The following PEX5L variants were observed in gnomAD, a reference collection of about 807,000 sequenced individuals.
The protein encoded by PEX5L is peroxisomal biogenesis factor 5 like.
A neutral mutation model predicts 84.0 loss-of-function variants in PEX5L; 30 were observed. That is an observed-to-expected ratio of 0.36 (90% CI 0.27 to 0.48). PEX5L has a LOEUF of 0.48. Among genes scored for constraint, PEX5L ranks in the 20% least tolerant of loss-of-function variants. The pLI is 0.99. For synonymous variants in PEX5L, 270 were observed against 283.1 expected (o/e 0.95, Z 0.46); for missense variants, 533 against 754.6 (o/e 0.71, Z 3.44).
intron 3 of PEX5L, among the ~76,000 whole-genome samples, chr3:179,897,245 G>A (rs1343356236): frequency 2.0e-5 from 3 of 151,780 alleles, no homozygotes; most frequent in Non-Finnish European, 2.9e-5. Context: ...TCATATAATC[G>A]GAACTGAATC....
chr3:179,832,966 C>T (rs1270539498), intron 8 of PEX5L, among the ~76,000 whole-genome samples: 1 of 152,210 alleles, frequency 6.6e-6, no homozygotes, highest in Non-Finnish European at 1.5e-5. Context: ...ATAATGCCTT[C>T]TTTGAATCAT....
chr3:179,830,012 A>C (rs1732163464), intron 8 of PEX5L, among the ~76,000 whole-genome samples: 1 of 127,766 alleles, frequency 7.8e-6, no homozygotes, highest in South Asian at 2.5e-4. Context: ...GGCCAGGCTG[A>C]TTTCGAACTC....
At chr3:179,924,328 C>T (rs1291789288) in intron 2 of PEX5L, among the ~76,000 whole-genome samples, 2 of 152,154 alleles carry the variant, frequency 1.3e-5, no homozygotes, top group African/African-American at 4.8e-5. Flanking sequence ...CTAGATGCCA[C>T]CTTCTTGGGA....
intron 1 of PEX5L, among the ~76,000 whole-genome samples, chr3:180,017,268 C>T (rs375021758): frequency 6.6e-6 from 1 of 152,130 alleles, no homozygotes; most frequent in Non-Finnish European, 1.5e-5. Context: ...ATGATTTTCT[C>T]TCTGCTGTTT....
At chr3:179,924,379 C>T (rs2109477048) in intron 2 of PEX5L, among the ~76,000 whole-genome samples, 1 of 152,304 alleles carries the variant, frequency 6.6e-6, no homozygotes, top group East Asian at 1.9e-4. Context: ...TCCCTCTCTC[C>T]TATCATCAAT....
In PEX5L at chr3:179,887,745, G is replaced by C; in HGVS notation, c.238C>G (p.Pro80Ala). 1 of 1,613,932 alleles carries C rather than the reference G, an allele frequency of 6.2e-7. No individual in the cohort carries two copies. The highest frequency in any genetic ancestry group is 8.5e-7 in the Non-Finnish European group (1 of 1,179,824). Residue 80 changes from proline (P) to alanine (A), a missense_variant, in exon 4 of 15, where the codon CCC (proline) becomes GCC (alanine). Coordinates refer to ENST00000467460, the MANE Select transcript of PEX5L (RefSeq NM_016559.3). ...EQQESRPLLS[P>A]SIDDFLCETK... ...TCACAGAGAAAGTCATCGATGGAGGGACTCAGGAGGGGTCTGCTTTCTTGT... is the reference window on the plus strand; with the variant it reads ...TCACAGAGAAAGTCATCGATGGAGGCACTCAGGAGGGGTCTGCTTTCTTGT...
At chr3:179,967,099 G>A (rs961445959) in intron 2 of PEX5L, among the ~76,000 whole-genome samples, 6 of 152,142 alleles carry the variant, frequency 3.9e-5, no homozygotes, top group African/African-American at 1.4e-4. Context: ...AATAAATGTT[G>A]ACCAATTACG....
At chr3:180,018,212 A>G (rs1348865841) in intron 1 of PEX5L, among the ~76,000 whole-genome samples, 1 of 152,212 alleles carries the variant, frequency 6.6e-6, no homozygotes, top group Non-Finnish European at 1.5e-5. Context: ...AAAGTAAAAC[A>G]TACGTTGTTT....
intron 2 of PEX5L, among the ~76,000 whole-genome samples, chr3:179,907,083 T>TG (rs1350514319): frequency 1.3e-5 from 2 of 152,118 alleles, no homozygotes; most frequent in African/African-American, 4.8e-5. Flanking sequence ...TGCAGGTAAA[T>TG]ATGGGGTCAA....
chr3:179,803,278 A>T (rs78253729), intron 14 of PEX5L, among the ~76,000 whole-genome samples: 1,630 of 152,342 alleles, frequency 0.011, 36 homozygotes, highest in African/African-American at 0.038. Context: ...TTTGTAAAAA[A>T]TATTATTTAT....
chr3:179,838,345 G>T (rs1735775901), intron 8 of PEX5L, among the ~76,000 whole-genome samples: 2 of 152,082 alleles, frequency 1.3e-5, no homozygotes, highest in Admixed American at 1.3e-4. Flanking sequence ...TGGTTGTACT[G>T]GGCTGCCTCT....
intron 2 of PEX5L, among the ~76,000 whole-genome samples, chr3:179,928,383 G>A (rs1163030372): frequency 1.3e-5 from 2 of 152,158 alleles, no homozygotes; most frequent in Non-Finnish European, 2.9e-5. Flanking sequence ...TTTTGGAGGA[G>A]GTCCCAGGAG....
intron 14 of PEX5L, among the ~76,000 whole-genome samples, chr3:179,803,656 G>C (rs1422602672): frequency 2.6e-5 from 4 of 152,188 alleles, no homozygotes. Context: ...CCACTTTACT[G>C]TTCTCAAAAA....
intron 3 of PEX5L, among the ~76,000 whole-genome samples, chr3:179,894,631 C>G (rs1758632461): frequency 6.6e-6 from 1 of 152,112 alleles, no homozygotes; most frequent in Admixed American, 6.6e-5. Flanking sequence ...GAAACCCAAA[C>G]AAGGCTGTAC....
At chr3:179,982,302 T>C (rs1786407860) in intron 1 of PEX5L, among the ~76,000 whole-genome samples, 1 of 152,186 alleles carries the variant, frequency 6.6e-6, no homozygotes, top group African/African-American at 2.4e-5. Flanking sequence ...ACATGCAAAA[T>C]ATTGAAGTAT....
At chr3:179,973,180 C>T in intron 1 of PEX5L, 4 of 1,288,734 alleles carry the variant, frequency 3.1e-6, no homozygotes, top group Non-Finnish European at 4.0e-6. Flanking sequence ...TTTGCATGAC[C>T]CGGTTTCTGG....
chr3:179,860,281 A>T (rs185762427), intron 7 of PEX5L, among the ~76,000 whole-genome samples: 74 of 152,334 alleles, frequency 4.9e-4, no homozygotes, highest in Non-Finnish European at 6.3e-4. Flanking sequence ...ATGCACTGAG[A>T]CACAGTGAGG....
chr3:180,017,947 T>C (rs907649423), intron 1 of PEX5L, among the ~76,000 whole-genome samples: 4 of 152,218 alleles, frequency 2.6e-5, no homozygotes, highest in African/African-American at 9.6e-5. Flanking sequence ...TCAGATATGC[T>C]GAAGAGATCT....
intron 2 of PEX5L, among the ~76,000 whole-genome samples, chr3:179,923,508 T>G (rs1174000934): frequency 6.6e-6 from 1 of 152,164 alleles, no homozygotes; most frequent in African/African-American, 2.4e-5. Flanking sequence ...CAAATACTTA[T>G]AGCCCACTCT....
Sources: gnomAD v4.1 joint callset for allele counts (sites outside exome capture counted in the v4.1 genomes callset) on GRCh38, gnomAD v4.1.1 for gene constraint, MANE v1.5 for transcripts, NCBI Gene and HGNC (gene_info 2026-07-23, HGNC 2026-07-21) for gene names.